The following SAMM50 variants were observed in gnomAD, a reference collection of about 807,000 sequenced individuals.
SAMM50 encodes SAMM50 sorting and assembly machinery component.
In SAMM50, 47 loss-of-function variants were observed where a neutral mutation model predicts 66.9. The observed-to-expected ratio is 0.70, with a 90% CI of 0.56 to 0.90. SAMM50 has a LOEUF of 0.90. Ranked by LOEUF, SAMM50 falls within the 40% of genes least tolerant of loss-of-function variation. The pLI is 0.00. For missense variants in SAMM50, 535 were observed against 595.3 expected (o/e 0.90, Z 1.05); for synonymous variants, 191 against 214.1 (o/e 0.89, Z 0.94).
intron 3 of SAMM50, among the ~76,000 whole-genome samples, 191 bp downstream of exon 3, chr22:43,964,744 T>C (rs1286713190): frequency 1.3e-5 from 2 of 152,302 alleles, no homozygotes; most frequent in East Asian, 3.9e-4. Flanking sequence ...AAACTCCATG[T>C]ATTCGCATTT....
chr22:43,959,021 T>TC (rs2050134836), intron 1 of SAMM50, among the ~76,000 whole-genome samples: 2 of 140,318 alleles, frequency 1.4e-5, no homozygotes, highest in Admixed American at 7.0e-5. Flanking sequence ...CAGTTTTCTT[T>TC]TTTTTTTTTT....
chr22:43,990,605 G>A (rs1238280223), intron 14 of SAMM50, among the ~76,000 whole-genome samples, 199 bp downstream of exon 14: 2 of 151,896 alleles, frequency 1.3e-5, no homozygotes, highest in Non-Finnish European at 2.9e-5. Context: ...GGTGTGAAGC[G>A]TTCCCACCCC....
Position 43,983,917 on chromosome 22 carries a change from T to C in SAMM50, c.1008-16T>C. The C allele has an allele frequency of 6.3e-7, 1 of 1,596,134 alleles. No homozygotes were observed. Among genetic ancestry groups the C allele is most frequent in the Non-Finnish European group, 8.6e-7 (1 of 1,168,390 alleles). On this transcript the variant is annotated splice_polypyrimidine_tract_variant and intron_variant, in intron 11 of 14. Transcript: ENST00000350028. The surrounding 1 kb of genome is among the most constrained non-coding windows in gnomAD (Gnocchi z 4.2). ...CCTCCTGACTTTCCTCTGACCTGTG[T>C]GCTGTTTTGTCCTAGGTTTTACCTT...
intron 7 of SAMM50, chr22:43,975,690 G>T: frequency 5.9e-6 from 1 of 168,276 alleles, no homozygotes; most frequent in Non-Finnish European, 1.3e-5. Context: ...GGTGGGGTTT[G>T]CGCCATCAGA....
intron 14 of SAMM50, among the ~76,000 whole-genome samples, chr22:43,994,056 A>G (rs2050339701): frequency 6.6e-6 from 1 of 152,202 alleles, no homozygotes; most frequent in Non-Finnish European, 1.5e-5. Flanking sequence ...GCAGGAAGAC[A>G]AGAAAGTGGA....
rs754049324 is a variant in SAMM50, at chr22:43,972,199, T to C, written c.323-37T>C. 3.0e-6 allele frequency: 4 copies of C among 1,335,610 alleles called. No homozygotes were observed. In the South Asian group the frequency reaches 5.7e-5, roughly 19 times the overall value. 82.7% of individuals were successfully genotyped at this position (1,335,610 alleles called of 1,614,324 possible). Reference sequence around the variant, plus strand: ...AATGGGAACCCAAAGTAAAATAACATCCTGGCTGTCTTATTGTTTAATATT... The same window carrying C: ...AATGGGAACCCAAAGTAAAATAACACCCTGGCTGTCTTATTGTTTAATATT... On this transcript the variant is annotated intron_variant, in intron 4 of 14. Coordinates refer to ENST00000350028, the MANE Select transcript of SAMM50 (RefSeq NM_015380.5).
chr22:43,986,208 A>AT (rs1293702801), intron 12 of SAMM50: 1 of 149,836 alleles, frequency 6.7e-6, no homozygotes, highest in East Asian at 1.9e-4. Context: ...TGCCCGGCTA[A>AT]TTTTTCTATT....
Position 43,981,391 on chromosome 22 carries a change from G to GT in SAMM50, c.943dup (p.Ser315PhefsTer14), listed in dbSNP as rs772302190. ...CAACCATTTGTTTCTATTTGAACAG[G>GT]TTTTTTCAGCGTCTTTCTGGGGCGG... is the stretch of plus-strand genomic sequence containing the variant. On this transcript the variant is annotated frameshift_variant and splice_region_variant, in exon 11 of 15. Transcript: ENST00000350028. LOFTEE classifies it high-confidence loss of function. 1.9e-6 allele frequency: 3 copies of GT among 1,613,174 alleles called. No individual in the cohort carries two copies. Among genetic ancestry groups the GT allele is most frequent in the African/African-American group, 1.3e-5 (1 of 75,022 alleles).
intron 14 of SAMM50, among the ~76,000 whole-genome samples, chr22:43,993,609 G>A (rs2146830574): frequency 6.6e-6 from 1 of 152,352 alleles, no homozygotes; most frequent in East Asian, 1.9e-4. Context: ...CAGCTGTTCA[G>A]ATGTTTATTA....
At position 43,989,266 on chromosome 22, in the gene SAMM50, T is replaced by C. The variant is rs369880135; in HGVS notation, c.1222+9T>C. ...CTGCAACCTCAACTATGGTAAAACTTGCGCTATTCAAGAAACCATTGTAGT... is the reference window on the plus strand; with the variant it reads ...CTGCAACCTCAACTATGGTAAAACTCGCGCTATTCAAGAAACCATTGTAGT... On this transcript the variant is annotated intron_variant, in intron 13 of 14. Transcript: ENST00000350028. The C allele has an allele frequency of 6.2e-7, 1 of 1,613,868 alleles. No homozygotes were observed. Among genetic ancestry groups the C allele is most frequent in the South Asian group, 1.1e-5 (1 of 91,064 alleles).
intron 3 of SAMM50, among the ~76,000 whole-genome samples, chr22:43,967,484 A>G (rs1258444860): frequency 6.6e-6 from 1 of 152,152 alleles, no homozygotes; most frequent in African/African-American, 2.4e-5. Context: ...CACTCTACCT[A>G]GGCAGTGGCA....
rs906240397 is a variant in SAMM50, at chr22:43,996,270, T to G, written c.1365-68T>G. 3.2e-6 allele frequency: 5 copies of G among 1,545,254 alleles called. No individual in the cohort carries two copies. The African/African-American group carries it at 6.8e-5, about 21-fold the overall frequency. On this transcript the variant is annotated intron_variant, in intron 14 of 14. Coordinates refer to ENST00000350028, the MANE Select transcript of SAMM50 (RefSeq NM_015380.5). ...GCGGCACCTTCTGAGAGGCGCATGCTCAGTGAGTCGTGAAGATGGCAGGGC... is the reference window on the plus strand; with the variant it reads ...GCGGCACCTTCTGAGAGGCGCATGCGCAGTGAGTCGTGAAGATGGCAGGGC...
intron 4 of SAMM50, 48 bp from the exon 5 acceptor site, chr22:43,972,188 G>A (rs1196141651): frequency 8.0e-7 from 1 of 1,249,106 alleles, no homozygotes; most frequent in Non-Finnish European, 1.1e-6. Flanking sequence ...GGAACCCAAA[G>A]TAAAATAACA....
intron 12 of SAMM50, 79 bp from the exon 13 acceptor site, chr22:43,989,032 C>T (rs2050308671): frequency 9.7e-6 from 14 of 1,444,014 alleles, no homozygotes; most frequent in African/African-American, 1.4e-5. Flanking sequence ...AGAAATCTTG[C>T]TTCTGTAAGT....
At chr22:43,974,386 G>GTC (rs2050220508) in intron 7 of SAMM50, among the ~76,000 whole-genome samples, 1 of 152,338 alleles carries the variant, frequency 6.6e-6, no homozygotes, top group South Asian at 2.1e-4. Flanking sequence ...GGAGCGCGGG[G>GTC]TCTCCCAGGG....
intron 3 of SAMM50, among the ~76,000 whole-genome samples, chr22:43,966,033 G>A (rs1434040486): frequency 2.0e-5 from 3 of 152,140 alleles, no homozygotes; most frequent in African/African-American, 7.2e-5. Flanking sequence ...TAGAGACGGG[G>A]TTTTGCCATG....
intron 11 of SAMM50, among the ~76,000 whole-genome samples, chr22:43,982,925 C>T (rs532301904): frequency 5.3e-5 from 8 of 152,280 alleles, no homozygotes; most frequent in South Asian, 4.1e-4. Context: ...CGCGAGCTAC[C>T]GCACGTGGCC....
chr22:43,972,351 C>T lies in SAMM50; in HGVS notation c.429+9C>T, dbSNP rs1437746884. ...ACAATGAAGGCAGTATGGTATGCTA[C>T]AGGCTTTTTACTTTCTTATATTGGA... On this transcript the variant is annotated intron_variant, in intron 5 of 14. Transcript: ENST00000350028. 8.7e-6 allele frequency: 13 copies of T among 1,492,476 alleles called. No homozygotes were observed. Among genetic ancestry groups the T allele is most frequent in the African/African-American group, 4.3e-5 (3 of 70,220 alleles). The allele number at this position is 1,492,476 out of a possible 1,614,324, so 92.5% of individuals were successfully genotyped here. A position where few individuals can be genotyped will look rare whatever the true frequency, so the allele number is the denominator to read the frequency against.
intron 14 of SAMM50, among the ~76,000 whole-genome samples, chr22:43,995,715 T>C (rs1313586866): frequency 2.0e-5 from 3 of 152,174 alleles, no homozygotes; most frequent in East Asian, 1.9e-4. Flanking sequence ...GCCTCTTTGC[T>C]CCTCTCTGAA....
Sources: allele counts gnomAD v4.1 joint callset (sites outside exome capture counted in the v4.1 genomes callset), GRCh38; gene constraint gnomAD v4.1.1; non-coding constraint Gnocchi (gnomAD v3.1); transcripts MANE v1.5; gene names NCBI Gene and HGNC (gene_info 2026-07-23, HGNC 2026-07-21).